The following CPA6 variants were observed in gnomAD, a reference collection of about 807,000 sequenced individuals.
The protein encoded by CPA6 is carboxypeptidase B.
In CPA6, 58 loss-of-function variants were observed where a neutral mutation model predicts 63.3. That is an observed-to-expected ratio of 0.92 (90% CI 0.74 to 1.14). CPA6 has a LOEUF of 1.14. Among genes scored for constraint, CPA6 ranks in the 50% most tolerant of loss-of-function variants. The pLI is 0.00. For missense variants in CPA6, 565 were observed against 526.6 expected, an observed-to-expected ratio of 1.07 and a Z score of -0.71; for synonymous variants, 185 against 179.0, an observed-to-expected ratio of 1.03 and a Z score of -0.27.
chr8:67,598,520 A>G (rs1234894073), intron 2 of CPA6, among the ~76,000 whole-genome samples: 1 of 152,168 alleles, frequency 6.6e-6, no homozygotes, highest in Non-Finnish European at 1.5e-5. Context: ...TTTCCTATTT[A>G]GCAAGTAACA....
intron 1 of CPA6, among the ~76,000 whole-genome samples, chr8:67,743,760 T>C (rs1324342694): frequency 6.6e-6 from 1 of 152,222 alleles, no homozygotes; most frequent in African/African-American, 2.4e-5. Flanking sequence ...TCAGGAGGCA[T>C]GCTGGTCTGC....
chr8:67,699,458 G>T (rs190895628), intron 1 of CPA6, among the ~76,000 whole-genome samples: 3 of 151,850 alleles, frequency 2.0e-5, no homozygotes, highest in African/African-American at 4.8e-5. Context: ...AAAACAGGAG[G>T]GGGGGATGTT....
chr8:67,659,563 C>G (rs977673487), intron 1 of CPA6, among the ~76,000 whole-genome samples: 1 of 152,168 alleles, frequency 6.6e-6, no homozygotes, highest in African/African-American at 2.4e-5. Flanking sequence ...TGCTTTCTTC[C>G]AATCTCTTTC....
intron 1 of CPA6, among the ~76,000 whole-genome samples, chr8:67,626,529 C>T (rs1815198139): frequency 6.6e-6 from 1 of 152,146 alleles, no homozygotes; most frequent in South Asian, 2.1e-4. Flanking sequence ...GTTCATATTT[C>T]TGGAAAGAAT....
intron 8 of CPA6, among the ~76,000 whole-genome samples, chr8:67,438,686 A>C (rs1044867285): frequency 6.6e-6 from 1 of 152,216 alleles, no homozygotes; most frequent in Admixed American, 6.5e-5. Flanking sequence ...AACATCTGCT[A>C]TCTAAATAAG....
intron 6 of CPA6, among the ~76,000 whole-genome samples, chr8:67,505,180 A>T (rs1282879664): frequency 6.6e-6 from 1 of 152,212 alleles, no homozygotes; most frequent in African/African-American, 2.4e-5. Context: ...ACAAGTCATC[A>T]TCCAGAAATC....
chr8:67,531,956 A>T (rs1334965935), intron 2 of CPA6, among the ~76,000 whole-genome samples: 1 of 152,194 alleles, frequency 6.6e-6, no homozygotes, highest in Non-Finnish European at 1.5e-5. Context: ...CAGATTAAAG[A>T]AGTCAGTGTA....
intron 1 of CPA6, among the ~76,000 whole-genome samples, chr8:67,628,104 T>C (rs1815234187): frequency 6.6e-6 from 1 of 151,936 alleles, no homozygotes; most frequent in Admixed American, 6.6e-5. Context: ...TCCCAGCTAC[T>C]TAGGAGGCTG....
intron 8 of CPA6, among the ~76,000 whole-genome samples, chr8:67,450,545 A>C (rs1364390913): frequency 3.3e-5 from 5 of 152,210 alleles, no homozygotes. Flanking sequence ...AGGAGAGAAA[A>C]ACCAAACATT....
At chr8:67,699,310 G>A (rs991851091) in intron 1 of CPA6, among the ~76,000 whole-genome samples, 1 of 151,964 alleles carries the variant, frequency 6.6e-6, no homozygotes, top group South Asian at 2.1e-4. Context: ...CAGCTACTTG[G>A]AAGGCTGAGG....
At chr8:67,666,440 C>T (rs1816227839) in intron 1 of CPA6, among the ~76,000 whole-genome samples, 1 of 152,128 alleles carries the variant, frequency 6.6e-6, no homozygotes, top group Non-Finnish European at 1.5e-5. Context: ...GGGGCACTCT[C>T]ACCAGCGGAG....
intron 1 of CPA6, among the ~76,000 whole-genome samples, chr8:67,637,981 T>TTTTTTG (rs201742875): frequency 1.4e-5 from 2 of 146,674 alleles, no homozygotes; most frequent in Non-Finnish European, 3.0e-5. Context: ...GCTAGAAATT[T>TTTTTTG]TGTGTGTGTG....
intron 1 of CPA6, among the ~76,000 whole-genome samples, chr8:67,653,999 T>A (rs1185784121): frequency 6.6e-6 from 1 of 151,986 alleles, no homozygotes; most frequent in Non-Finnish European, 1.5e-5. Flanking sequence ...ATTGAGATAA[T>A]CATGTGGTTT....
intron 1 of CPA6, among the ~76,000 whole-genome samples, chr8:67,651,234 T>C (rs1815829458): frequency 6.6e-6 from 1 of 152,204 alleles, no homozygotes; most frequent in African/African-American, 2.4e-5. Flanking sequence ...GAATAAAATT[T>C]ATGTGTTGTA....
chr8:67,695,566 G>A (rs1816898754), intron 1 of CPA6, among the ~76,000 whole-genome samples: 2 of 152,202 alleles, frequency 1.3e-5, no homozygotes, highest in African/African-American at 4.8e-5. Flanking sequence ...ATTCTACACA[G>A]CATTACTTCT....
intron 1 of CPA6, among the ~76,000 whole-genome samples, chr8:67,644,531 T>G (rs959709498): frequency 6.6e-6 from 1 of 152,164 alleles, no homozygotes; most frequent in African/African-American, 2.4e-5. Flanking sequence ...GGGTTCTGTG[T>G]GAATAGAGGC....
chr8:67,555,127 C>T (rs1813030918), intron 2 of CPA6, among the ~76,000 whole-genome samples: 1 of 152,112 alleles, frequency 6.6e-6, no homozygotes, highest in Non-Finnish European at 1.5e-5. Flanking sequence ...TTTTTGTCCC[C>T]AGTTCCTGGC....
chr8:67,462,176 G>A lies in CPA6; in HGVS notation c.838+21592C>T, dbSNP rs1810828346. 3.3e-5 allele frequency among the ~76,000 whole-genome samples: 5 copies of A among 151,554 alleles called. No individual in the cohort carries two copies. The South Asian group carries it at 1.0e-3, about 31-fold the overall frequency. On this transcript the variant is annotated intron_variant, in intron 8 of 10. Transcript: ENST00000297770. ...CTGCTTTTTTGGGTGTAAATCCAGGGATATTCTGTGTTTTTAAGCAAAAAG... is the reference window on the plus strand; with the variant it reads ...CTGCTTTTTTGGGTGTAAATCCAGGAATATTCTGTGTTTTTAAGCAAAAAG...
At chr8:67,621,170 A>G (rs1438823321) in intron 2 of CPA6, among the ~76,000 whole-genome samples, 1 of 152,166 alleles carries the variant, frequency 6.6e-6, no homozygotes, top group Admixed American at 6.5e-5. Flanking sequence ...GTGTGACTCT[A>G]TTGGGAGAGG....
Sources: gnomAD v4.1 joint callset for allele counts (sites outside exome capture counted in the v4.1 genomes callset) on GRCh38, gnomAD v4.1.1 for gene constraint, MANE v1.5 for transcripts, NCBI Gene and HGNC (gene_info 2026-07-23, HGNC 2026-07-21) for gene names.